The following COL3A1 variants were observed in gnomAD, a reference collection of about 807,000 sequenced individuals.
COL3A1 encodes collagen type III alpha 1 chain.
A neutral mutation model predicts 200.9 loss-of-function variants in COL3A1; 46 were observed. The ratio of observed to expected loss-of-function variants is 0.23; its 90% CI spans 0.18 to 0.29. The LOEUF is 0.29. Among genes scored for constraint, COL3A1 ranks in the 10% least tolerant of loss-of-function variants. The probability of loss-of-function intolerance (pLI) is 1.00; values close to 1 mark genes in which losing one functional copy is unlikely to be tolerated. For synonymous variants in COL3A1, 650 were observed against 628.0 expected, an observed-to-expected ratio of 1.03 and a Z score of -0.52; for missense variants, 1,367 against 1,917.6, an observed-to-expected ratio of 0.71 and a Z score of 5.36.
At chr2:189,005,303 T>G in intron 40 of COL3A1, 47 bp from the exon 41 acceptor site, 4 of 1,487,078 alleles carry the variant, frequency 2.7e-6, no homozygotes, top group Non-Finnish European at 3.8e-6. Context: ...CCATTTTAAT[T>G]GATTTCTTAA....
At chr2:188,989,318 G>T in intron 7 of COL3A1, 78 bp from the exon 8 acceptor site, 1 of 1,039,476 alleles carries the variant, frequency 9.6e-7, no homozygotes, top group Non-Finnish European at 1.4e-6. Flanking sequence ...TTCCTTCCAG[G>T]AATACATACA....
At chr2:189,003,202 A>G in intron 36 of COL3A1, 140 bp downstream of exon 36, 1 of 822,278 alleles carries the variant, frequency 1.2e-6, no homozygotes, top group East Asian at 2.7e-5. Flanking sequence ...GAGGTTTATC[A>G]GTAATTTAAT....
intron 13 of COL3A1, 71 bp downstream of exon 13, chr2:188,991,793 C>T: frequency 6.7e-7 from 1 of 1,503,312 alleles, no homozygotes; most frequent in Non-Finnish European, 9.3e-7. Flanking sequence ...AGTAAAGTTT[C>T]AGGCTGTAAA....
intron 3 of COL3A1, 107 bp downstream of exon 3, chr2:188,985,354 C>A: frequency 1.1e-6 from 1 of 890,218 alleles, no homozygotes; most frequent in Non-Finnish European, 1.9e-6. Context: ...TTCATTACCA[C>A]ATATTTGAAT....
chr2:189,003,305 G>A (rs1688511176), intron 36 of COL3A1, 106 bp from the exon 37 acceptor site: 2 of 996,446 alleles, frequency 2.0e-6, no homozygotes, highest in Admixed American at 2.0e-5. Flanking sequence ...CAATCTAAAA[G>A]TTATTTTAAC....
Position 189,010,298 on chromosome 2 carries a change from G to T in COL3A1, c.3944G>T (p.Trp1315Leu). The T allele has an allele frequency of 6.2e-7, 1 of 1,614,166 alleles. No individual in the cohort carries two copies. Among genetic ancestry groups the T allele is most frequent in the Non-Finnish European group, 8.5e-7 (1 of 1,179,998 alleles). ...ANPLNVPRKH[W>L]WTDSSAEKKH... ...CCTTTGAATGTTCCACGGAAACACT[G>T]GTGGACAGATTCTAGTGCTGAGAAG... The change falls in exon 49 of 51, where the codon TGG becomes TTG. Residue 1315 changes from tryptophan (W) to leucine (L), a missense_variant. Around this residue, in one of 5 missense-constraint regions of COL3A1, gnomAD observed 846 missense variants for 1,147.9 expected, o/e 0.74. Coordinates refer to ENST00000304636, the MANE Select transcript of COL3A1 (RefSeq NM_000090.4).
rs1311632979 is a variant in COL3A1, at chr2:189,006,376, C to T, written c.3125C>T (p.Ala1042Val). Residue 1042 changes from alanine (A) to valine (V), a missense_variant, in exon 43 of 51, where the codon GCC becomes GTC. Coordinates refer to ENST00000304636, the MANE Select transcript of COL3A1 (RefSeq NM_000090.4). ...GDRGENGSPG[A>V]PGAPGHPGPP... is the part of the protein sequence containing the mutation. ...CGTGGTGAAAATGGCTCTCCTGGTGCCCCTGGCGCTCCTGGTCATCCAGGC... is the reference window on the plus strand; with the variant it reads ...CGTGGTGAAAATGGCTCTCCTGGTGTCCCTGGCGCTCCTGGTCATCCAGGC... The T allele has an allele frequency of 1.9e-6, 3 of 1,613,992 alleles. No individual in the cohort carries two copies. Among genetic ancestry groups the T allele is most frequent in the Non-Finnish European group, 2.5e-6 (3 of 1,180,016 alleles).
chr2:188,977,219 C>A (rs1419648977), intron 1 of COL3A1, among the ~76,000 whole-genome samples: 1 of 152,080 alleles, frequency 6.6e-6, no homozygotes, highest in Non-Finnish European at 1.5e-5. Context: ...AGATTATAGA[C>A]AGCTGTTACT....
Position 189,004,002 on chromosome 2 carries a change from TC to T in COL3A1, c.2685del (p.Ser896AlafsTer340). 6.2e-7 allele frequency: 1 copy of T among 1,612,290 alleles called. No homozygotes were observed. Among genetic ancestry groups the T allele is most frequent in the Non-Finnish European group, 8.5e-7 (1 of 1,179,576 alleles). Reference protein sequence around the residue: ...GSNGNPGPPGPSGSPGKDGPP... With the variant: ...GSNGNPGPPGXSGSPGKDGPP... Reference sequence around the variant, plus strand: ...TGTAGGGTAACCCAGGACCCCCAGGTCCCAGCGGTTCTCCAGGCAAGGATGG... The same window carrying T: ...TGTAGGGTAACCCAGGACCCCCAGGTCCAGCGGTTCTCCAGGCAAGGATGG... On this transcript the variant is annotated frameshift_variant, in exon 39 of 51. Transcript: ENST00000304636. LOFTEE classifies it high-confidence loss of function.
Position 188,997,168 on chromosome 2 carries a change from G to C in COL3A1, c.1765G>C (p.Ala589Pro). The C allele has an allele frequency of 1.2e-6, 2 of 1,613,906 alleles. No homozygotes were observed. The highest frequency in any genetic ancestry group is 1.7e-6 in the Non-Finnish European group (2 of 1,179,964). Reference sequence around the variant, plus strand: ...ATACCGACCACTTCTTCTTTAGGGTGCTCCTGGTAAGAATGGAGAACGAGG... The same window carrying C: ...ATACCGACCACTTCTTCTTTAGGGTCCTCCTGGTAAGAATGGAGAACGAGG... Reference protein sequence around the residue: ...GFPGPKGNDGAPGKNGERGGP... With the variant: ...GFPGPKGNDGPPGKNGERGGP... Residue 589 changes from alanine to proline, a missense_variant, in exon 25 of 51, where the codon GCT becomes CCT. By Grantham distance (27) the Ala-to-Pro change is conservative. This residue lies in a region of COL3A1 where 846 missense variants were observed against 1,147.9 expected (regional missense o/e 0.74). Coordinates refer to ENST00000304636, the MANE Select transcript of COL3A1 (RefSeq NM_000090.4).
chr2:189,012,071 T>G lies in COL3A1; in HGVS notation c.*297T>G, dbSNP rs1688741452. 5 of 383,438 alleles carry G rather than the reference T, an allele frequency of 1.3e-5. No individual in the cohort carries two copies. Among genetic ancestry groups the G allele is most frequent in the South Asian group, 1.3e-4 (5 of 39,840 alleles). 23.8% of individuals were successfully genotyped at this position (383,438 alleles called of 1,614,324 possible). A position where few individuals can be genotyped will look rare whatever the true frequency, so the allele number is the denominator to read the frequency against. On this transcript the variant is annotated 3_prime_UTR_variant, in exon 51 of 51. Coordinates refer to ENST00000304636, the MANE Select transcript of COL3A1 (RefSeq NM_000090.4). The stretch of plus-strand genomic sequence containing the variant: ...TTTATGATAACAACACTGTGTTATA[T>G]TCTTTGAATCCTAGCCCATCTGCAG...
At chr2:189,007,677 T>C (rs896748385) in intron 45 of COL3A1, 70 bp downstream of exon 45, 1 of 1,383,168 alleles carries the variant, frequency 7.2e-7, no homozygotes, top group Non-Finnish European at 1.0e-6. Context: ...AGAAGAAAGC[T>C]TTCCATCTCT....
At chr2:189,003,363 T>G (rs1403204998) in intron 36 of COL3A1, 48 bp from the exon 37 acceptor site, 1 of 1,560,764 alleles carries the variant, frequency 6.4e-7, no homozygotes, top group Non-Finnish European at 8.8e-7. Context: ...TTTTCCCAAA[T>G]TTTGATTTTG....
chr2:188,999,198 T>A (rs371419246), intron 29 of COL3A1, 87 bp from the exon 30 acceptor site: 1 of 1,192,050 alleles, frequency 8.4e-7, no homozygotes, highest in East Asian at 2.5e-5. Flanking sequence ...AATAACCTAG[T>A]GGCCTGATTC....
chr2:188,984,473 A>G (rs1317343435), intron 1 of COL3A1, among the ~76,000 whole-genome samples: 4 of 152,074 alleles, frequency 2.6e-5, no homozygotes, highest in Non-Finnish European at 5.9e-5. Context: ...TGTGTGATAT[A>G]CATTGATGTT....
Position 189,010,762 on chromosome 2 carries a change from A to G in COL3A1, c.4126A>G (p.Ile1376Val), listed in dbSNP as rs1451636598. The G allele has an allele frequency of 2.5e-6, 4 of 1,614,038 alleles. No homozygotes were observed. Among genetic ancestry groups the G allele is most frequent in the African/African-American group, 1.3e-5 (1 of 74,928 alleles). The stretch of plus-strand genomic sequence containing the variant: ...CATCACATATCACTGCAAAAATAGC[A>G]TTGCATACATGGATCAGGCCAGTGG... ...QNITYHCKNSIAYMDQASGNV... is the reference protein window; with the variant it reads ...QNITYHCKNSVAYMDQASGNV... Residue 1376 changes from isoleucine (I) to valine (V), a missense_variant, in exon 50 of 51, where the codon ATT becomes GTT. Coordinates refer to ENST00000304636, the MANE Select transcript of COL3A1 (RefSeq NM_000090.4).
In COL3A1 at chr2:188,996,414, G is replaced by C; in HGVS notation, c.1679G>C (p.Ser560Thr). The C allele has an allele frequency of 6.2e-7, 1 of 1,613,816 alleles. No individual in the cohort carries two copies. Among genetic ancestry groups the C allele is most frequent in the Non-Finnish European group, 8.5e-7 (1 of 1,179,896 alleles). ...TCTTATTAGGGAAGTCAAGGAGAAA[G>C]TGGTCGACCAGGTCCTCCTGGGCCA... ...KPGPPGSQGESGRPGPPGPSG... is the reference protein window; with the variant it reads ...KPGPPGSQGETGRPGPPGPSG... Residue 560 changes from serine (S) to threonine (T), a missense_variant, in exon 24 of 51, where the codon AGT (serine) becomes ACT (threonine). By Grantham distance (58) the Ser-to-Thr change is moderately conservative (BLOSUM62 1). Transcript: ENST00000304636.
Position 188,999,856 on chromosome 2 carries a change from T to C in COL3A1, c.2244T>C (p.Gly748=), listed in dbSNP as rs1801184. 433,856 of 1,594,368 alleles carry C rather than the reference T, an allele frequency of 0.27. 61,659 individuals are homozygous for C. Among genetic ancestry groups the C allele is most frequent in the Middle Eastern group, 0.38 (2,285 of 6,028 alleles). ...GPKGDKGEPG[G]PGADGVPGKD... is the part of the protein sequence containing the mutation. ...TTATTTGACAGGGTGAACCAGGCGG[T>C]CCAGGTGCTGATGGTGTCCCAGGGA... The change falls in exon 32 of 51, where the codon GGT becomes GGC. Residue 748 remains glycine, a synonymous_variant. Transcript: ENST00000304636.
intron 1 of COL3A1, among the ~76,000 whole-genome samples, chr2:188,979,724 T>TA (rs933553624): frequency 6.6e-6 from 1 of 151,746 alleles, no homozygotes; most frequent in Non-Finnish European, 1.5e-5. Flanking sequence ...CTTGCAGGGA[T>TA]AAAAAATCAT....
Sources: gnomAD v4.1 joint callset for allele counts (sites outside exome capture counted in the v4.1 genomes callset) on GRCh38, gnomAD v4.1.1 for gene constraint, gnomAD v4.1.1 regional missense constraint, MANE v1.5 for transcripts, NCBI Gene and HGNC (gene_info 2026-07-23, HGNC 2026-07-21) for gene names.